The following WWOX variants were observed in gnomAD, a reference collection of about 807,000 sequenced individuals.
WWOX encodes the protein WW domain containing oxidoreductase.
In WWOX, 69 loss-of-function variants were observed where a neutral mutation model predicts 46.2. The observed-to-expected ratio is 1.49, with a 90% CI of 1.23 to 1.82. The LOEUF (loss-of-function observed/expected upper bound fraction) is 1.82. Among genes scored for constraint, WWOX ranks in the 40% most tolerant of loss-of-function variants. The pLI, the probability that WWOX is intolerant of heterozygous loss-of-function variation, is 0.00. For missense variants in WWOX, 919 were observed against 542.6 expected (o/e 1.69, Z -6.89); for synonymous variants, 359 against 202.6 (o/e 1.77, Z -6.56).
chr16:79,044,958 C>T (rs1424558466), intron 8 of WWOX, among the ~76,000 whole-genome samples: 1 of 152,078 alleles, frequency 6.6e-6, no homozygotes, highest in Non-Finnish European at 1.5e-5. Flanking sequence ...AGATAATGTG[C>T]ATAAAGATTT....
intron 5 of WWOX, among the ~76,000 whole-genome samples, chr16:78,268,042 C>T (rs1295146201): frequency 2.6e-5 from 4 of 152,158 alleles, no homozygotes; most frequent in East Asian, 1.9e-4. Flanking sequence ...TCATCTCGAA[C>T]CCCTTGACTC....
At chr16:78,740,897 C>T (rs1282248052) in intron 8 of WWOX, among the ~76,000 whole-genome samples, 1 of 152,118 alleles carries the variant, frequency 6.6e-6, no homozygotes, top group African/African-American at 2.4e-5. Flanking sequence ...CCAGCCCCCA[C>T]CAGAAACCCT....
intron 8 of WWOX, among the ~76,000 whole-genome samples, chr16:78,968,505 G>T (rs2046407864): frequency 6.6e-6 from 1 of 152,188 alleles, no homozygotes; most frequent in African/African-American, 2.4e-5. Flanking sequence ...ATGTTTCATT[G>T]TTAACCATCA....
At chr16:78,297,219 G>T (rs995381184) in intron 5 of WWOX, among the ~76,000 whole-genome samples, 5 of 151,988 alleles carry the variant, frequency 3.3e-5, no homozygotes, top group African/African-American at 1.2e-4. Flanking sequence ...TACGGCTCTC[G>T]CACGGAGCAT....
At chr16:79,028,335 G>C (rs143356014) in intron 8 of WWOX, among the ~76,000 whole-genome samples, 4 of 151,974 alleles carry the variant, frequency 2.6e-5, no homozygotes, top group Non-Finnish European at 5.9e-5. Flanking sequence ...GACACTATGA[G>C]TGTATCGTTA....
chr16:78,928,203 CTTT>C (rs969068848), intron 8 of WWOX, among the ~76,000 whole-genome samples: 1 of 134,206 alleles, frequency 7.5e-6, no homozygotes. Flanking sequence ...TACCACTTTT[CTTT>C]TTTTTTTTTT....
At position 79,041,068 on chromosome 16, in the gene WWOX, C is replaced by T. The variant is rs543571715; in HGVS notation, c.1057-170540C>T. On this transcript the variant is annotated intron_variant, in intron 8 of 8. Coordinates refer to ENST00000566780, the MANE Select transcript of WWOX (RefSeq NM_016373.4). ...TCTCTTATCCAAGCAGAAACATGGCCAGAATGCAATGTCCTAATACATGTA... is the reference window on the plus strand; with the variant it reads ...TCTCTTATCCAAGCAGAAACATGGCTAGAATGCAATGTCCTAATACATGTA... Among the ~76,000 whole-genome samples, 7 of 152,010 alleles carry T rather than the reference C, an allele frequency of 4.6e-5. No individual in the cohort carries two copies. In the East Asian group the frequency reaches 1.4e-3, roughly 30 times the overall value.
intron 8 of WWOX, among the ~76,000 whole-genome samples, chr16:78,661,608 G>C (rs1275222110): frequency 1.4e-5 from 2 of 140,206 alleles, no homozygotes; most frequent in Non-Finnish European, 3.1e-5. Flanking sequence ...TGACAGCCCT[G>C]TAATAAATGT....
intron 8 of WWOX, among the ~76,000 whole-genome samples, chr16:79,089,148 G>A (rs1194990352): frequency 6.6e-6 from 1 of 152,160 alleles, no homozygotes; most frequent in Non-Finnish European, 1.5e-5. Context: ...GGTGGGCACA[G>A]GGCCTAGCTC....
chr16:78,553,724 G>A (rs979474029), intron 8 of WWOX, among the ~76,000 whole-genome samples: 7 of 152,090 alleles, frequency 4.6e-5, no homozygotes, highest in Non-Finnish European at 8.8e-5. Flanking sequence ...GAGGGAGGAG[G>A]CCTGGGAGAG....
At chr16:78,364,831 G>A (rs1210046505) in intron 5 of WWOX, among the ~76,000 whole-genome samples, 2 of 152,158 alleles carry the variant, frequency 1.3e-5, no homozygotes, top group South Asian at 2.1e-4. Context: ...AGGGAACAAG[G>A]TGTTTTCTGT....
At chr16:78,568,951 C>G in intron 8 of WWOX, among the ~76,000 whole-genome samples, 1 of 152,202 alleles carries the variant, frequency 6.6e-6, no homozygotes, top group East Asian at 1.9e-4. Context: ...TCCACTTCTA[C>G]CTTAGCTATG....
At chr16:79,042,316 C>T (rs1477833968) in intron 8 of WWOX, among the ~76,000 whole-genome samples, 1 of 152,154 alleles carries the variant, frequency 6.6e-6, no homozygotes, top group Non-Finnish European at 1.5e-5. Flanking sequence ...CCTTCCCTGA[C>T]CTTTTGGCTT....
intron 8 of WWOX, among the ~76,000 whole-genome samples, chr16:79,161,458 G>T (rs2050485205): frequency 6.6e-6 from 1 of 152,200 alleles, no homozygotes; most frequent in Non-Finnish European, 1.5e-5. Context: ...GAGTAGGGGA[G>T]AGAAGGAGAG....
At chr16:78,123,447 T>TTG (rs1567584494) in intron 4 of WWOX, 21 of 26,096 alleles carry the variant, frequency 8.0e-4, no homozygotes, top group Admixed American at 2.2e-3. Context: ...TTTGTTTTTT[T>TTG]TTTTTTTGTT....
Position 78,403,585 on chromosome 16 carries a change from G to T in WWOX, c.605+16637G>T, listed in dbSNP as rs1228047603. Among the ~76,000 whole-genome samples, 4 of 152,158 alleles carry T rather than the reference G, an allele frequency of 2.6e-5. No individual in the cohort carries two copies. In the East Asian group the frequency reaches 7.7e-4, roughly 29 times the overall value. On this transcript the variant is annotated intron_variant, in intron 6 of 8. Transcript: ENST00000566780. ...TACCAAGTGGGTAAAATGCTTTGAG[G>T]GTTGCATTTTATGTATTCAGGAGGC...
intron 8 of WWOX, among the ~76,000 whole-genome samples, chr16:78,844,905 T>G (rs1006416414): frequency 2.0e-5 from 3 of 152,298 alleles, no homozygotes; most frequent in South Asian, 4.1e-4. Context: ...AGCTAGTGGT[T>G]GCTGACTCTC....
intron 8 of WWOX, among the ~76,000 whole-genome samples, chr16:78,832,383 A>G (rs953254181): frequency 5.3e-5 from 8 of 152,286 alleles, no homozygotes; most frequent in African/African-American, 1.4e-4. Context: ...GACATCATGC[A>G]CTGTCAAGCA....
At chr16:78,152,015 C>G (rs1477131637) in intron 4 of WWOX, among the ~76,000 whole-genome samples, 1 of 152,058 alleles carries the variant, frequency 6.6e-6, no homozygotes, top group Non-Finnish European at 1.5e-5. Context: ...ACGGTGAAAC[C>G]CCGTCTCTAC....
Sources: gnomAD v4.1 joint callset for allele counts (sites outside exome capture counted in the v4.1 genomes callset) on GRCh38, gnomAD v4.1.1 for gene constraint, MANE v1.5 for transcripts, NCBI Gene and HGNC (gene_info 2026-07-23, HGNC 2026-07-21) for gene names.